KIF26B: variants seen among roughly 807,000 people sequenced by gnomAD.
KIF26B encodes kinesin-like protein KIF26B.
In KIF26B, 63 loss-of-function variants were observed where a neutral mutation model predicts 151.2. That is an observed-to-expected ratio of 0.42 (90% CI 0.34 to 0.51). The LOEUF is 0.51. Ranked by LOEUF, KIF26B falls within the 20% of genes least tolerant of loss-of-function variation. The pLI is 0.07. For missense variants in KIF26B, 2,813 were observed against 2,913.6 expected (o/e 0.97, Z 0.79); for synonymous variants, 1,357 against 1,262.1 (o/e 1.08, Z -1.59).
At chr1:245,374,426 G>A (rs1429341241) in intron 3 of KIF26B, among the ~76,000 whole-genome samples, 2 of 151,852 alleles carry the variant, frequency 1.3e-5, no homozygotes, top group Non-Finnish European at 2.9e-5. Flanking sequence ...TGCTCTTCCC[G>A]GCCGAACCAC....
At chr1:245,155,909 C>A (rs182392450) in intron 1 of KIF26B, among the ~76,000 whole-genome samples, 1 of 152,180 alleles carries the variant, frequency 6.6e-6, no homozygotes, top group Non-Finnish European at 1.5e-5. Context: ...CCTACCCCCC[C>A]CATAGGGTCT....
intron 5 of KIF26B, among the ~76,000 whole-genome samples, chr1:245,574,864 C>CTTTTTTTTT (rs201010492): frequency 7.9e-6 from 1 of 126,252 alleles, no homozygotes; most frequent in South Asian, 2.5e-4. Context: ...TTTTTTTTTT[C>CTTTTTTTTT]TTTTTTTTTT....
In KIF26B at chr1:245,398,834, G is replaced by A. The variant is rs142154742; in HGVS notation, c.1000-20745G>A. 2.0e-5 allele frequency among the ~76,000 whole-genome samples: 3 copies of A among 151,824 alleles called. No individual in the cohort carries two copies. In the East Asian group the frequency reaches 5.8e-4, roughly 29 times the overall value. ...GAAATAACTTACAGAAAAGTTGCAAGAATAAAAATAGTACAAAGGACACCC... is the reference window on the plus strand; with the variant it reads ...GAAATAACTTACAGAAAAGTTGCAAAAATAAAAATAGTACAAAGGACACCC... On this transcript the variant is annotated intron_variant, in intron 3 of 14. Coordinates refer to ENST00000407071, the MANE Select transcript of KIF26B (RefSeq NM_018012.4).
intron 2 of KIF26B, among the ~76,000 whole-genome samples, chr1:245,273,645 C>G (rs1670890635): frequency 6.6e-6 from 1 of 152,052 alleles, no homozygotes; most frequent in Admixed American, 6.6e-5. Context: ...CAGTTTTTGT[C>G]TTAAAGTCTA....
intron 2 of KIF26B, among the ~76,000 whole-genome samples, chr1:245,322,214 GC>G (rs1671899836): frequency 6.6e-6 from 1 of 151,958 alleles, no homozygotes; most frequent in Non-Finnish European, 1.5e-5. Flanking sequence ...ACACACCGGG[GC>G]CTGTGGGGGA....
rs577144432 is a variant in KIF26B, at chr1:245,543,383, G to GC, written c.1350+2434dup. Among the ~76,000 whole-genome samples the GC allele has an allele frequency of 3.9e-5, 6 of 152,326 alleles. No homozygotes were observed. In the South Asian group the frequency reaches 1.2e-3, roughly 32 times the overall value. On this transcript the variant is annotated intron_variant, in intron 5 of 14. Coordinates refer to ENST00000407071, the MANE Select transcript of KIF26B (RefSeq NM_018012.4). The stretch of plus-strand genomic sequence containing the variant: ...TATGCTTGTTAGTAAACTAAAGTTT[G>GC]CATTTCACACTTTTTTAAAAAAATT...
At chr1:245,322,890 G>A (rs535758184) in intron 2 of KIF26B, among the ~76,000 whole-genome samples, 18 of 152,302 alleles carry the variant, frequency 1.2e-4, no homozygotes, top group African/African-American at 4.1e-4. Flanking sequence ...AACCTTGTAA[G>A]TTAGGTGGCA....
chr1:245,402,784 C>T (rs749120858), intron 3 of KIF26B, among the ~76,000 whole-genome samples: 10 of 152,206 alleles, frequency 6.6e-5, no homozygotes, highest in African/African-American at 1.7e-4. Flanking sequence ...GGGCTAAGGC[C>T]GGTCTAGGAC....
chr1:245,565,478 C>A (rs973946146), intron 5 of KIF26B, among the ~76,000 whole-genome samples: 1 of 151,952 alleles, frequency 6.6e-6, no homozygotes, highest in African/African-American at 2.4e-5. Context: ...TTAGTAGAGA[C>A]GGGGTCTCAC....
chr1:245,302,438 G>A (rs924888224), intron 2 of KIF26B, among the ~76,000 whole-genome samples: 25 of 152,184 alleles, frequency 1.6e-4, no homozygotes, highest in African/African-American at 5.3e-4. Flanking sequence ...TCATGTGATA[G>A]CATCCAGTTT....
intron 3 of KIF26B, among the ~76,000 whole-genome samples, chr1:245,407,215 C>G (rs1674155754): frequency 1.3e-5 from 2 of 152,136 alleles, no homozygotes; most frequent in African/African-American, 4.8e-5. Context: ...GAAACTCATG[C>G]CCGGTATGGG....
At chr1:245,628,481 T>C (rs2043747496) in intron 9 of KIF26B, among the ~76,000 whole-genome samples, 1 of 152,124 alleles carries the variant, frequency 6.6e-6, no homozygotes, top group Non-Finnish European at 1.5e-5. Context: ...ATAAACATAA[T>C]CCATCACATA....
intron 4 of KIF26B, among the ~76,000 whole-genome samples, chr1:245,527,823 G>A (rs1347834586): frequency 3.3e-5 from 5 of 151,718 alleles, no homozygotes; most frequent in Admixed American, 2.0e-4. Context: ...GTGAGCCACC[G>A]CGCCCGGCCC....
At chr1:245,622,989 A>T (rs562500894) in intron 9 of KIF26B, among the ~76,000 whole-genome samples, 14 of 146,696 alleles carry the variant, frequency 9.5e-5, no homozygotes, top group African/African-American at 3.5e-4. Flanking sequence ...TGTGGTTTGA[A>T]TCCTAGCTCT....
Position 245,409,935 on chromosome 1 carries a change from G to A in KIF26B, c.1000-9644G>A, listed in dbSNP as rs149995370. Among the ~76,000 whole-genome samples the A allele has an allele frequency of 4.2e-3, 647 of 152,280 alleles. 5 individuals are homozygous for A. The highest frequency in any genetic ancestry group is 0.015 in the African/African-American group (632 of 41,564). ...CTATTTAAATGCCTAAAAGCAAATC[G>A]TGAGCCTAAGAAAAGATCTGAACCA... On this transcript the variant is annotated intron_variant, in intron 3 of 14. Transcript: ENST00000407071.
At position 245,527,524 on chromosome 1, in the gene KIF26B, C is replaced by T. The variant is rs1373087743; in HGVS notation, c.1167-13243C>T. On this transcript the variant is annotated intron_variant, in intron 4 of 14. Coordinates refer to ENST00000407071, the MANE Select transcript of KIF26B (RefSeq NM_018012.4). ...TCATTTATATCTGGCTTTGGGATGG[C>T]TTTTTTTTTTTTTTTTTTTTTTTTT... Among the ~76,000 whole-genome samples the T allele has an allele frequency of 3.4e-3, 172 of 50,700 alleles. 1 individual carries two copies. The highest frequency in any genetic ancestry group is 6.5e-3 in the South Asian group (5 of 774). 33.3% of individuals were successfully genotyped at this position (50,700 alleles called of 152,430 possible).
intron 4 of KIF26B, among the ~76,000 whole-genome samples, chr1:245,478,430 A>AT (rs3068344): frequency 0.3 from 38,948 of 128,230 alleles, 6,997 homozygotes; most frequent in Admixed American, 0.39. Context: ...TCTGACTCGC[A>AT]TTTTTTTTTT....
intron 12 of KIF26B, among the ~76,000 whole-genome samples, chr1:245,693,023 C>T (rs1181428790): frequency 6.6e-6 from 1 of 152,170 alleles, no homozygotes; most frequent in African/African-American, 2.4e-5. Flanking sequence ...GCCCCCAGTC[C>T]TCGCGCTCCC....
chr1:245,367,013 C>G lies in KIF26B; in HGVS notation c.645C>G (p.Asp215Glu), dbSNP rs376590964. Residue 215 changes from aspartate to glutamate, a missense_variant, in exon 3 of 15, where the codon GAC becomes GAG. This residue lies in a region of KIF26B where 676 missense variants were observed against 688.1 expected (regional missense o/e 0.98). Coordinates refer to ENST00000407071, the MANE Select transcript of KIF26B (RefSeq NM_018012.4). The surrounding 1 kb of genome is among the most constrained non-coding windows in gnomAD (Gnocchi z 4.2). Reference protein sequence around the residue: ...LEQAAGSEHYDASPCSPPPLS... With the variant: ...LEQAAGSEHYEASPCSPPPLS... ...AGGCAGCCGGCAGTGAGCACTACGA[C>G]GCCTCGCCCTGCTCCCCGCCACCGC... 6.2e-7 allele frequency: 1 copy of G among 1,612,680 alleles called. No homozygotes were observed. Among genetic ancestry groups the G allele is most frequent in the Admixed American group, 1.7e-5 (1 of 59,874 alleles).
Sources: gnomAD v4.1 joint callset for allele counts (sites outside exome capture counted in the v4.1 genomes callset) on GRCh38, gnomAD v4.1.1 for gene constraint, gnomAD v4.1.1 regional missense constraint, Gnocchi (gnomAD v3.1) non-coding constraint, MANE v1.5 for transcripts, NCBI Gene and HGNC (gene_info 2026-07-23, HGNC 2026-07-21) for gene names.